Variants in ANKRD30A observed in about 807,000 individuals in gnomAD.
The protein encoded by ANKRD30A is ankyrin repeat domain 30A, also known as ankyrin repeat domain-containing protein 30A.
Under a neutral mutation model 166.3 loss-of-function variants are expected in ANKRD30A, and 170 were observed. The observed-to-expected ratio is 1.02, with a 90% CI of 0.90 to 1.16. The LOEUF is 1.16. ANKRD30A is among the 50% of genes most tolerant of loss of function. ANKRD30A has a pLI of 0.00. For missense variants in ANKRD30A, 1,630 were observed against 1,518.0 expected (o/e 1.07, Z -1.23); for synonymous variants, 564 against 508.9 (o/e 1.11, Z -1.46).
rs756697300 is a variant in ANKRD30A, at chr10:37,165,082, A to C, written c.2003-12A>C. 10 of 1,604,070 alleles carry C rather than the reference A, an allele frequency of 6.2e-6. No individual in the cohort carries two copies. The highest frequency in any genetic ancestry group is 6.0e-6 in the Non-Finnish European group (7 of 1,171,584). Reference sequence around the variant, plus strand: ...TGTGCTCATGAATGTATCTGTGATTAACCTTTTATAGATGAGATACTCCCA... The same window carrying C: ...TGTGCTCATGAATGTATCTGTGATTCACCTTTTATAGATGAGATACTCCCA... On this transcript the variant is annotated splice_polypyrimidine_tract_variant and intron_variant, in intron 17 of 35. Transcript: ENST00000361713.
chr10:37,228,025 A>C (rs765181473), intron 34 of ANKRD30A, among the ~76,000 whole-genome samples: 28 of 151,958 alleles, frequency 1.8e-4, no homozygotes, highest in Admixed American at 2.6e-4. Context: ...CTGCATTCCC[A>C]GAAGTCACCA....
chr10:37,229,174 A>T (rs1843301209), intron 34 of ANKRD30A, among the ~76,000 whole-genome samples: 1 of 151,990 alleles, frequency 6.6e-6, no homozygotes, highest in African/African-American at 2.4e-5. Flanking sequence ...GGAATATGGT[A>T]AGAGGTATAC....
intron 34 of ANKRD30A, among the ~76,000 whole-genome samples, chr10:37,221,146 T>C (rs1274863106): frequency 6.7e-6 from 1 of 149,812 alleles, no homozygotes; most frequent in Non-Finnish European, 1.5e-5. Context: ...AGTAAGAGAG[T>C]ACCAGTTTGG....
chr10:37,190,863 G>A (rs544558281), intron 25 of ANKRD30A, among the ~76,000 whole-genome samples: 3 of 151,664 alleles, frequency 2.0e-5, no homozygotes, highest in East Asian at 1.9e-4. Context: ...TGTTTTTGAC[G>A]TTCACAATTT....
At chr10:37,155,854 G>A (rs562053671) in intron 13 of ANKRD30A, among the ~76,000 whole-genome samples, 68 of 152,190 alleles carry the variant, frequency 4.5e-4, no homozygotes, top group Middle Eastern at 3.4e-3. Flanking sequence ...GGGCGACGCG[G>A]GCGGATCACA....
chr10:37,224,473 C>T (rs937600808), intron 34 of ANKRD30A, among the ~76,000 whole-genome samples: 127 of 149,962 alleles, frequency 8.5e-4, no homozygotes, highest in African/African-American at 3.0e-3. Context: ...CACACACACA[C>T]GTGTATATAT....
chr10:37,159,131 C>G (rs1466209635), intron 15 of ANKRD30A, among the ~76,000 whole-genome samples: 1 of 152,074 alleles, frequency 6.6e-6, no homozygotes, highest in African/African-American at 2.4e-5. Flanking sequence ...AGCATTTGGC[C>G]TTGGTGTCTT....
intron 13 of ANKRD30A, among the ~76,000 whole-genome samples, chr10:37,158,092 G>T (rs1427394662): frequency 6.6e-5 from 10 of 151,922 alleles, no homozygotes; most frequent in Non-Finnish European, 1.3e-4. Flanking sequence ...TCCTTATACG[G>T]CCGCTTTCTC....
At chr10:37,256,645 C>G in the ANKRD30A span, among the ~76,000 whole-genome samples, 2 of 152,098 alleles carry the variant, frequency 1.3e-5, no homozygotes, top group African/African-American at 4.8e-5. Flanking sequence ...ATGTTAGACT[C>G]AAAGAGATAG....
chr10:37,207,465 T>C (rs1842060635), intron 31 of ANKRD30A, among the ~76,000 whole-genome samples: 1 of 152,102 alleles, frequency 6.6e-6, no homozygotes, highest in African/African-American at 2.4e-5. Flanking sequence ...TCTTTGCTTT[T>C]TTCTTTTGTC....
the ANKRD30A span, among the ~76,000 whole-genome samples, chr10:37,244,913 A>G: frequency 6.6e-6 from 1 of 152,164 alleles, no homozygotes; most frequent in Admixed American, 6.5e-5. Flanking sequence ...ACTCTGGACA[A>G]CCATAGCTTT....
intron 29 of ANKRD30A, among the ~76,000 whole-genome samples, chr10:37,197,787 C>A (rs1240937233): frequency 6.6e-6 from 1 of 152,062 alleles, no homozygotes; most frequent in African/African-American, 2.4e-5. Context: ...ACTCCAATTT[C>A]TTTTTTTAGT....
At chr10:37,254,894 G>C in the ANKRD30A span, among the ~76,000 whole-genome samples, 1 of 151,960 alleles carries the variant, frequency 6.6e-6, no homozygotes, top group African/African-American at 2.4e-5. Flanking sequence ...GTGTTAGCCA[G>C]AACGGTCTTA....
At chr10:37,201,193 G>T in intron 30 of ANKRD30A, 42 bp from the exon 31 acceptor site, 3 of 1,409,164 alleles carry the variant, frequency 2.1e-6, no homozygotes, top group South Asian at 2.7e-5. Flanking sequence ...TCATTATTAG[G>T]ATTTTTCCAT....
chr10:37,233,349 G>A (rs1027745830), downstream of ANKRD30A, among the ~76,000 whole-genome samples: 2 of 152,064 alleles, frequency 1.3e-5, no homozygotes, highest in African/African-American at 2.4e-5. Flanking sequence ...GAGGAAGAAT[G>A]TTAAATACTA....
intron 25 of ANKRD30A, among the ~76,000 whole-genome samples, chr10:37,191,251 C>G (rs573146053): frequency 5.9e-5 from 9 of 151,598 alleles, no homozygotes; most frequent in Non-Finnish European, 1.3e-4. Flanking sequence ...TGTTGGCATA[C>G]TATTCCAGTA....
At chr10:37,160,280 A>C (rs968613931) in intron 15 of ANKRD30A, among the ~76,000 whole-genome samples, 4 of 152,218 alleles carry the variant, frequency 2.6e-5, no homozygotes, top group African/African-American at 9.6e-5. Context: ...AATATTTAAA[A>C]TACACGAATT....
chr10:37,194,597 G>A (rs370624596), intron 27 of ANKRD30A, among the ~76,000 whole-genome samples: 17 of 151,958 alleles, frequency 1.1e-4, no homozygotes, highest in Admixed American at 2.6e-4. Context: ...CGCCCGTCTC[G>A]GCCTCCCAAA....
intron 31 of ANKRD30A, among the ~76,000 whole-genome samples, chr10:37,207,252 T>A (rs2132710387): frequency 6.6e-6 from 1 of 152,324 alleles, no homozygotes; most frequent in African/African-American, 2.4e-5. Context: ...TGTAACTGTG[T>A]ACCTTCTCAA....
Sources: gnomAD v4.1 joint callset for allele counts (sites outside exome capture counted in the v4.1 genomes callset) on GRCh38, gnomAD v4.1.1 for gene constraint, MANE v1.5 for transcripts, NCBI Gene and HGNC (gene_info 2026-07-23, HGNC 2026-07-21) for gene names.